EXTL3: variants seen among roughly 807,000 people sequenced by gnomAD.
EXTL3 encodes the protein exostosin-like 3.
EXTL3 carries 27 observed loss-of-function variants against 69.3 expected under a neutral mutation model. The observed-to-expected ratio is 0.39, with a 90% CI of 0.29 to 0.54. The LOEUF (loss-of-function observed/expected upper bound fraction) is 0.54. EXTL3 is among the 20% of genes least tolerant of loss of function. The pLI is 0.69. For missense variants in EXTL3, 1,003 were observed against 1,231.8 expected, an observed-to-expected ratio of 0.81 and a Z score of 2.78; for synonymous variants, 511 against 499.4, an observed-to-expected ratio of 1.02 and a Z score of -0.31.
At chr8:28,620,173 G>A (rs1020284510), upstream of EXTL3, among the ~76,000 whole-genome samples, 5 of 151,836 alleles carry the variant, frequency 3.3e-5, no homozygotes, top group Middle Eastern at 6.8e-3. Context: ...GCGCCTGGCC[G>A]GCTTCTGATT....
chr8:28,642,823 G>A (rs531566832), intron 1 of EXTL3, among the ~76,000 whole-genome samples: 1 of 151,706 alleles, frequency 6.6e-6, no homozygotes, highest in East Asian at 1.9e-4. Flanking sequence ...TTGATTTTTG[G>A]GATATATAGT....
chr8:28,694,623 T>C (rs1800659191), intron 1 of EXTL3, among the ~76,000 whole-genome samples: 1 of 151,576 alleles, frequency 6.6e-6, no homozygotes, highest in African/African-American at 2.4e-5. Context: ...ATTTTTCTCA[T>C]TTGTGACAAA....
intron 1 of EXTL3, among the ~76,000 whole-genome samples, chr8:28,634,586 G>A (rs1380690631): frequency 6.9e-6 from 1 of 145,268 alleles, no homozygotes; most frequent in South Asian, 2.2e-4. Context: ...GGGAAGAGAT[G>A]ACCACATCTG....
At position 28,641,379 on chromosome 8, in the gene EXTL3, A is replaced by G. The variant is rs563038296; in HGVS notation, c.-53+18569A>G. 2.6e-5 allele frequency among the ~76,000 whole-genome samples: 4 copies of G among 152,392 alleles called. No homozygotes were observed. The East Asian group carries it at 5.8e-4, about 22-fold the overall frequency. On this transcript the variant is annotated intron_variant, in intron 1 of 6. Coordinates refer to the EXTL3 transcript ENST00000523149. ...AAACATGAGCTTGAAAGCTGTTTCT[A>G]TAAGTTAAGGTTTGGAAAAGACCGA...
intron 1 of EXTL3, among the ~76,000 whole-genome samples, chr8:28,655,453 A>G (rs560361836): frequency 6.6e-6 from 1 of 150,540 alleles, no homozygotes; most frequent in Non-Finnish European, 1.5e-5. Context: ...TGATTTTCCT[A>G]GTCTTCTTTA....
At chr8:28,653,285 T>C (rs1306120755) in intron 1 of EXTL3, among the ~76,000 whole-genome samples, 1 of 152,234 alleles carries the variant, frequency 6.6e-6, no homozygotes, top group Non-Finnish European at 1.5e-5. Flanking sequence ...TTATAGGATA[T>C]ATGATTTATA....
intron 2 of EXTL3, among the ~76,000 whole-genome samples, chr8:28,612,609 G>T (rs867243729): frequency 2.6e-5 from 4 of 152,094 alleles, no homozygotes; most frequent in Non-Finnish European, 5.9e-5. Context: ...AAGCCCCAGG[G>T]TGAATTCTTA....
intron 1 of EXTL3, among the ~76,000 whole-genome samples, chr8:28,626,274 C>T (rs775180176): frequency 4.0e-5 from 6 of 151,698 alleles, no homozygotes; most frequent in African/African-American, 9.7e-5. Flanking sequence ...AGAAAGAGGA[C>T]GGGGTCACAC....
Position 28,704,093 on chromosome 8 carries a change from G to A in EXTL3, c.-570+2434G>A, listed in dbSNP as rs541501565. On this transcript the variant is annotated intron_variant, in intron 1 of 6. Coordinates refer to ENST00000220562, the MANE Select transcript of EXTL3 (RefSeq NM_001440.4). Reference sequence around the variant, plus strand: ...TTTCAGTCATTCAGACCTCTTGGGTGATGTTACTAGGGAGAAGAGAAGCAG... The same window carrying A: ...TTTCAGTCATTCAGACCTCTTGGGTAATGTTACTAGGGAGAAGAGAAGCAG... Among the ~76,000 whole-genome samples, 9 of 152,296 alleles carry A rather than the reference G, an allele frequency of 5.9e-5. No individual in the cohort carries two copies. In the South Asian group the frequency reaches 1.9e-3, roughly 32 times the overall value.
At chr8:28,640,117 A>C (rs558281610) in intron 1 of EXTL3, among the ~76,000 whole-genome samples, 1,944 of 152,302 alleles carry the variant, frequency 0.013, 52 homozygotes, top group African/African-American at 0.045. Flanking sequence ...GAAGAAAAAA[A>C]AATCCATACC....
intron 1 of EXTL3, among the ~76,000 whole-genome samples, chr8:28,632,278 C>G (rs774263322): frequency 6.6e-6 from 1 of 151,880 alleles, no homozygotes; most frequent in Non-Finnish European, 1.5e-5. Flanking sequence ...ACCTGTAATC[C>G]CAGCTACTTG....
chr8:28,746,215 C>A (rs545679850), intron 6 of EXTL3, among the ~76,000 whole-genome samples: 1 of 152,180 alleles, frequency 6.6e-6, no homozygotes, highest in African/African-American at 2.4e-5. Context: ...AGTGTTCTTT[C>A]AATAATGTTA....
chr8:28,701,914 C>T (rs1273110448), intron 1 of EXTL3, among the ~76,000 whole-genome samples: 2 of 152,182 alleles, frequency 1.3e-5, no homozygotes, highest in African/African-American at 2.4e-5. Context: ...CTAACGGGTC[C>T]CTGGGCTGGG....
intron 1 of EXTL3, among the ~76,000 whole-genome samples, chr8:28,633,431 C>G (rs192962082): frequency 9.9e-4 from 151 of 152,178 alleles, no homozygotes; most frequent in Non-Finnish European, 1.7e-3. Context: ...GGGCAGATCA[C>G]TTGAGACCAG....
chr8:28,663,331 C>T (rs56289258), intron 1 of EXTL3, among the ~76,000 whole-genome samples: 17,818 of 152,158 alleles, frequency 0.12, 1,218 homozygotes, highest in East Asian at 0.25. Context: ...GCCCCTCCCT[C>T]GCAGGCAAGG....
At chr8:28,710,584 A>G in intron 1 of EXTL3, 1 of 381,918 alleles carries the variant, frequency 2.6e-6, no homozygotes, top group South Asian at 1.9e-5. Context: ...TATTCATGAG[A>G]GATTTTTTTT....
At chr8:28,719,882 A>C (rs1585277298) in intron 3 of EXTL3, among the ~76,000 whole-genome samples, 1 of 152,368 alleles carries the variant, frequency 6.6e-6, no homozygotes, top group South Asian at 2.1e-4. Context: ...TCAAGAACTT[A>C]CCAGAATGAA....
intron 1 of EXTL3, among the ~76,000 whole-genome samples, chr8:28,707,843 GT>G (rs1800955113): frequency 6.6e-6 from 1 of 152,228 alleles, no homozygotes; most frequent in Admixed American, 6.5e-5. Flanking sequence ...TAGCGAACTG[GT>G]GGGAAGGGAA....
At chr8:28,615,610 C>T (rs1357879669) in intron 2 of EXTL3, among the ~76,000 whole-genome samples, 2 of 152,150 alleles carry the variant, frequency 1.3e-5, no homozygotes, top group Non-Finnish European at 2.9e-5. Flanking sequence ...CTCTGTCACC[C>T]AGGCTGGAGT....
Sources: gnomAD v4.1 joint callset for allele counts (sites outside exome capture counted in the v4.1 genomes callset) on GRCh38, gnomAD v4.1.1 for gene constraint, MANE v1.5 for transcripts, NCBI Gene and HGNC (gene_info 2026-07-23, HGNC 2026-07-21) for gene names.